CSMD3: variants seen among roughly 807,000 people sequenced by gnomAD.
CSMD3 encodes CUB and Sushi multiple domains 3.
In CSMD3, 177 loss-of-function variants were observed where a neutral mutation model predicts 435.2. The ratio of observed to expected loss-of-function variants is 0.41; its 90% CI spans 0.36 to 0.46. CSMD3 has a LOEUF of 0.46. Ranked by LOEUF, CSMD3 falls within the 20% of genes least tolerant of loss-of-function variation. The pLI is 0.34. For missense variants in CSMD3, 4,265 were observed against 4,504.6 expected (o/e 0.95, Z 1.52); for synonymous variants, 1,656 against 1,520.5 (o/e 1.09, Z -2.07).
intron 32 of CSMD3, among the ~76,000 whole-genome samples, chr8:112,434,085 C>A (rs1403771075): frequency 1.3e-5 from 2 of 152,010 alleles, no homozygotes; most frequent in East Asian, 1.9e-4. Flanking sequence ...AGGTGTTTAC[C>A]TGTGCCCAAG....
At chr8:112,903,151 CAAAAAAAAAA>C (rs763330055) in intron 10 of CSMD3, among the ~76,000 whole-genome samples, 1 of 53,790 alleles carries the variant, frequency 1.9e-5, no homozygotes, top group Non-Finnish European at 3.5e-5. Flanking sequence ...GCAGTCTTGG[CAAAAAAAAAA>C]AAAAAAAAAA....
chr8:112,897,394 T>C (rs1247282901), intron 10 of CSMD3, among the ~76,000 whole-genome samples: 3 of 151,284 alleles, frequency 2.0e-5, no homozygotes, highest in South Asian at 4.1e-4. Flanking sequence ...TTATTCATCA[T>C]TATAGGAGGA....
At chr8:113,358,082 T>G in intron 1 of CSMD3, among the ~76,000 whole-genome samples, 1 of 152,334 alleles carries the variant, frequency 6.6e-6, no homozygotes, top group East Asian at 1.9e-4. Context: ...ATCTAGTTAA[T>G]GTCAATGGAT....
intron 1 of CSMD3, among the ~76,000 whole-genome samples, chr8:113,330,762 CAG>C (rs1211457726): frequency 6.6e-6 from 1 of 151,764 alleles, no homozygotes; most frequent in Non-Finnish European, 1.5e-5. Flanking sequence ...TTGTACCTAA[CAG>C]ATTCTCAAAA....
At chr8:112,624,791 G>A (rs1834349380) in intron 22 of CSMD3, among the ~76,000 whole-genome samples, 1 of 151,972 alleles carries the variant, frequency 6.6e-6, no homozygotes, top group African/African-American at 2.4e-5. Flanking sequence ...CTAAAAGCCT[G>A]AAAATTCTCT....
chr8:112,494,254 T>C (rs915837063), intron 30 of CSMD3, among the ~76,000 whole-genome samples: 10 of 151,884 alleles, frequency 6.6e-5, no homozygotes, highest in Non-Finnish European at 1.0e-4. Context: ...TGAGGAAGGT[T>C]GCCTCCCTTC....
intron 28 of CSMD3, among the ~76,000 whole-genome samples, chr8:112,511,178 T>C (rs1487428794): frequency 6.6e-6 from 1 of 152,124 alleles, no homozygotes; most frequent in Non-Finnish European, 1.5e-5. Context: ...TGTAGTCTAT[T>C]AAGTGCATAA....
At position 112,287,236 on chromosome 8, in the gene CSMD3, A is replaced by C. The variant is rs147090926; in HGVS notation, c.9159T>G (p.Thr3053=). 9 of 1,613,512 alleles carry C rather than the reference A, an allele frequency of 5.6e-6. No individual in the cohort carries two copies. The highest frequency in any genetic ancestry group is 8.5e-7 in the Non-Finnish European group (1 of 1,179,722). Residue 3053 remains threonine (T), a synonymous_variant, in exon 58 of 71, where the codon ACT becomes ACG. Transcript: ENST00000297405. The part of the protein sequence containing the change: ...GSQPHCSGDA[T]GTCGDPGTPG... Reference sequence around the variant, plus strand: ...GAGTACCTGGATCGCCACATGTCCCAGTAGCATCACCTGCAATGCAGTACA... The same window carrying C: ...GAGTACCTGGATCGCCACATGTCCCCGTAGCATCACCTGCAATGCAGTACA...
chr8:113,002,550 AT>A, intron 6 of CSMD3, among the ~76,000 whole-genome samples: 1 of 152,202 alleles, frequency 6.6e-6, no homozygotes, highest in East Asian at 1.9e-4. Context: ...AAATGTCTCT[AT>A]TTGCTCAAGT....
At chr8:112,906,163 T>C (rs1273275037) in intron 10 of CSMD3, among the ~76,000 whole-genome samples, 2 of 151,368 alleles carry the variant, frequency 1.3e-5, no homozygotes, top group Admixed American at 6.6e-5. Flanking sequence ...ACCGAATCTA[T>C]GGCTATTTAG....
intron 1 of CSMD3, among the ~76,000 whole-genome samples, chr8:113,417,509 A>G (rs77105346): frequency 2.6e-5 from 4 of 151,990 alleles, no homozygotes; most frequent in Non-Finnish European, 5.9e-5. Flanking sequence ...CCTCAATGAT[A>G]TCTTGAACAC....
intron 1 of CSMD3, among the ~76,000 whole-genome samples, chr8:113,355,749 T>TATATATATATATATATATATAC (rs1357514892): frequency 1.2e-5 from 1 of 81,316 alleles, no homozygotes; most frequent in Non-Finnish European, 2.2e-5. Context: ...TATATATATA[T>TATATATATATATATATATATAC]ACACACACAC....
chr8:112,455,099 C>A (rs1049988245), intron 32 of CSMD3, among the ~76,000 whole-genome samples: 2 of 151,602 alleles, frequency 1.3e-5, no homozygotes, highest in Non-Finnish European at 2.9e-5. Flanking sequence ...GGGTATATAC[C>A]CAAAGGAAAA....
chr8:112,649,957 T>C (rs112787087), intron 19 of CSMD3, among the ~76,000 whole-genome samples: 439 of 152,268 alleles, frequency 2.9e-3, no homozygotes, highest in African/African-American at 0.01. Context: ...GATACACAGA[T>C]AGTATCTTTA....
At chr8:112,243,258 T>C (rs1161745399) in intron 65 of CSMD3, among the ~76,000 whole-genome samples, 1 of 150,956 alleles carries the variant, frequency 6.6e-6, no homozygotes, top group Admixed American at 6.6e-5. Flanking sequence ...GAAAGAAAAA[T>C]AGCAGAGGAA....
At position 113,342,322 on chromosome 8, in the gene CSMD3, G is replaced by A. The variant is rs187120751; in HGVS notation, c.179-27529C>T. On this transcript the variant is annotated intron_variant, in intron 1 of 70. Coordinates refer to ENST00000297405, the MANE Select transcript of CSMD3 (RefSeq NM_198123.2). ...GCTTCAATACACGATTCTCTAATGCGCTTTCAAAAGTATAGAAATACTATT... is the reference window on the plus strand; with the variant it reads ...GCTTCAATACACGATTCTCTAATGCACTTTCAAAAGTATAGAAATACTATT... Among the ~76,000 whole-genome samples the A allele has an allele frequency of 1.1e-3, 174 of 152,114 alleles. 2 individuals are homozygous for A. The highest frequency in any genetic ancestry group is 3.6e-3 in the African/African-American group (151 of 41,514).
At position 112,564,308 on chromosome 8, in the gene CSMD3, C is replaced by A. The variant is rs145543287; in HGVS notation, c.4043-7354G>T. ...TTTCCTTCTTCCTTTCCTTCTTCCT[C>A]TCCTTCCTTCTTCCCTTCCTTCTCC... On this transcript the variant is annotated intron_variant, in intron 24 of 70. Transcript: ENST00000297405. Among the ~76,000 whole-genome samples, 472 of 150,868 alleles carry A rather than the reference C, an allele frequency of 3.1e-3. 1 individual carries two copies. Among genetic ancestry groups the A allele is most frequent in the African/African-American group, 0.011 (454 of 41,096 alleles).
chr8:112,989,517 A>G (rs1226835594), intron 6 of CSMD3, among the ~76,000 whole-genome samples: 6 of 152,184 alleles, frequency 3.9e-5, no homozygotes, highest in Non-Finnish European at 7.4e-5. Context: ...AATGGTGAGC[A>G]TGGGAGATAA....
At chr8:113,024,103 C>G (rs1296665175) in intron 5 of CSMD3, among the ~76,000 whole-genome samples, 1 of 152,140 alleles carries the variant, frequency 6.6e-6, no homozygotes, top group Non-Finnish European at 1.5e-5. Context: ...CTGGTAACCA[C>G]TGTTCTATTT....
Sources: gnomAD v4.1 joint callset for allele counts (sites outside exome capture counted in the v4.1 genomes callset) on GRCh38, gnomAD v4.1.1 for gene constraint, MANE v1.5 for transcripts, NCBI Gene and HGNC (gene_info 2026-07-23, HGNC 2026-07-21) for gene names.